SLC35E4: variants seen among roughly 807,000 people sequenced by gnomAD.
SLC35E4 encodes the protein solute carrier family 35 member E4.
In SLC35E4, 15 loss-of-function variants were observed where a neutral mutation model predicts 19.3. The ratio of observed to expected loss-of-function variants is 0.78; its 90% CI spans 0.52 to 1.20. The LOEUF (loss-of-function observed/expected upper bound fraction) is 1.20. Ranked by LOEUF, SLC35E4 falls within the 50% of genes most tolerant of loss-of-function variation. The probability of loss-of-function intolerance (pLI) is 0.00; values close to 1 mark genes in which losing one functional copy is unlikely to be tolerated. For synonymous variants in SLC35E4, 219 were observed against 219.9 expected, an observed-to-expected ratio of 1.00 and a Z score of 0.04; for missense variants, 406 against 472.3, an observed-to-expected ratio of 0.86 and a Z score of 1.30.
In SLC35E4 at chr22:30,647,177, C is replaced by T; in HGVS notation, c.*146C>T. 1 of 994,840 alleles carries T rather than the reference C, an allele frequency of 1.0e-6. No homozygotes were observed. The highest frequency in any genetic ancestry group is 1.6e-5 in the African/African-American group (1 of 61,114). 61.6% of individuals were successfully genotyped at this position (994,840 alleles called of 1,614,324 possible). A position where few individuals can be genotyped will look rare whatever the true frequency, so the allele number is the denominator to read the frequency against. ...CTTCCAGAGTCCGAGGTGGGTGGAT[C>T]ACCTGAGGCCAGGAGTTCGAGACCA... On this transcript the variant is annotated 3_prime_UTR_variant, in exon 2 of 2. Coordinates refer to ENST00000343605, the MANE Select transcript of SLC35E4 (RefSeq NM_001001479.4).
downstream of SLC35E4, chr22:30,663,302 C>CT (rs1279780622): frequency 2.5e-5 from 21 of 852,386 alleles, no homozygotes; most frequent in Admixed American, 3.5e-4. Flanking sequence ...TACAGCAACT[C>CT]TTTTTTGTGC....
rs111747773 is a variant in SLC35E4 at position 30,641,277 on chromosome 22, G to A, written c.619+4208G>A. 1.3e-3 allele frequency among the ~76,000 whole-genome samples: 192 copies of A among 152,338 alleles called. 2 individuals carry two copies. Among genetic ancestry groups the A allele is most frequent in the African/African-American group, 4.4e-3 (181 of 41,582 alleles). On this transcript the variant is annotated intron_variant, in intron 1 of 1. Coordinates refer to ENST00000343605, the MANE Select transcript of SLC35E4 (RefSeq NM_001001479.4). ...TTGGGCATGGAGTGGCATGTGCCTG[G>A]CATCGGGCTGCATCTTGACTCCTGC...
intron 1 of SLC35E4, among the ~76,000 whole-genome samples, chr22:30,644,471 T>A (rs938500260): frequency 3.9e-5 from 6 of 152,174 alleles, no homozygotes; most frequent in African/African-American, 9.7e-5. Flanking sequence ...CCAGGCGCAA[T>A]GGCTCACACC....
chr22:30,648,236 G>C (rs905651768), downstream of SLC35E4, among the ~76,000 whole-genome samples: 2 of 152,084 alleles, frequency 1.3e-5, no homozygotes, highest in African/African-American at 4.8e-5. Context: ...CACTCAGGAC[G>C]TGGCACCTGC....
At chr22:30,666,201 G>C (rs974439078), downstream of SLC35E4, among the ~76,000 whole-genome samples, 1 of 152,162 alleles carries the variant, frequency 6.6e-6, no homozygotes, top group Non-Finnish European at 1.5e-5. Context: ...CCCCAAACCA[G>C]TGCCCAGTGG....
chr22:30,663,500 A>G (rs754294385), downstream of SLC35E4: 1 of 1,614,170 alleles, frequency 6.2e-7, no homozygotes, highest in South Asian at 1.1e-5. Context: ...CCACTGGGGA[A>G]CTGACCATGT....
intron 1 of SLC35E4, among the ~76,000 whole-genome samples, chr22:30,644,869 C>G (rs1436530323): frequency 6.6e-6 from 1 of 152,096 alleles, no homozygotes; most frequent in Non-Finnish European, 1.5e-5. Flanking sequence ...TAGGTACACA[C>G]AGATACACAG....
chr22:30,666,909 C>T (rs1194057041), downstream of SLC35E4: 2 of 152,138 alleles, frequency 1.3e-5, no homozygotes, highest in Admixed American at 1.3e-4. Flanking sequence ...ATTTTTCTCG[C>T]TTCTGATAGG....
chr22:30,647,467 C>A lies in SLC35E4; in HGVS notation c.*436C>A, dbSNP rs996855013. 6.2e-6 allele frequency: 1 copy of A among 161,764 alleles called. No homozygotes were observed. Among genetic ancestry groups the A allele is most frequent in the African/African-American group, 2.4e-5 (1 of 41,516 alleles). The allele number at this position is 161,764 out of a possible 1,614,324, so 10.0% of individuals were successfully genotyped here. ...CTGGGGGCCATGGCAGGGAGGGGAG[C>A]CTTCTGGAAGGGCTGCCTTGGAGAT... On this transcript the variant is annotated 3_prime_UTR_variant, in exon 2 of 2. Transcript: ENST00000343605.
downstream of SLC35E4, chr22:30,664,159 A>C: frequency 1.5e-6 from 1 of 670,162 alleles, no homozygotes; most frequent in Non-Finnish European, 2.6e-6. Context: ...ATGGATGGAT[A>C]GGCTTATAGC....
chr22:30,663,769 G>C, downstream of SLC35E4: 6 of 1,614,212 alleles, frequency 3.7e-6, no homozygotes, highest in Non-Finnish European at 5.1e-6. Flanking sequence ...AAGTCACAGA[G>C]ACGTGAGTTA....
At chr22:30,656,127 C>A (rs2088334184) in intron 2 of SLC35E4, among the ~76,000 whole-genome samples, 2 of 151,886 alleles carry the variant, frequency 1.3e-5, no homozygotes, top group African/African-American at 4.8e-5. Context: ...GTGTGCACCA[C>A]CATGCTGGGC....
chr22:30,655,745 C>T (rs1001534213), intron 2 of SLC35E4, among the ~76,000 whole-genome samples: 20 of 151,960 alleles, frequency 1.3e-4, no homozygotes, highest in African/African-American at 4.6e-4. Flanking sequence ...TTCTTATGCA[C>T]GGATGGCATT....
chr22:30,636,514 G>A lies in SLC35E4; in HGVS notation c.64G>A (p.Ala22Thr). 1 of 1,546,752 alleles carries A rather than the reference G, an allele frequency of 6.5e-7. No individual in the cohort carries two copies. Among genetic ancestry groups the A allele is most frequent in the African/African-American group, 1.4e-5 (1 of 73,100 alleles). The change falls in exon 1 of 2, where the codon GCT becomes ACT. Residue 22 changes from alanine (A) to threonine (T), a missense_variant. Coordinates refer to ENST00000343605, the MANE Select transcript of SLC35E4 (RefSeq NM_001001479.4). ...GACCTCAGCCGAAGTAGGAGCAGCA[G>A]CTGGTGGTGCTCAGGCGGCTGGGCC... ...RMTSAEVGAA[A>T]GGAQAAGPPE...
downstream of SLC35E4, among the ~76,000 whole-genome samples, chr22:30,664,419 T>C (rs929459989): frequency 7.2e-5 from 11 of 152,254 alleles, no homozygotes; most frequent in African/African-American, 2.7e-4. Context: ...AGATGACTTG[T>C]GTCCCTCAGC....
rs1345725572 is a variant in SLC35E4, at chr22:30,647,097, T to C, written c.*66T>C. 3.3e-6 allele frequency: 5 copies of C among 1,500,644 alleles called. No individual in the cohort carries two copies. Among genetic ancestry groups the C allele is most frequent in the East Asian group, 4.6e-5 (2 of 43,684 alleles). The allele number at this position is 1,500,644 out of a possible 1,614,324, so 93.0% of individuals were successfully genotyped here. ...CTGAATCCAGCCTCCGCTGTGGCCA[T>C]AGAAGGAATGGAGAACAGGGCTGGG... On this transcript the variant is annotated 3_prime_UTR_variant, in exon 2 of 2. Coordinates refer to ENST00000343605, the MANE Select transcript of SLC35E4 (RefSeq NM_001001479.4).
chr22:30,646,298 G>A (rs191484504), intron 1 of SLC35E4, among the ~76,000 whole-genome samples: 1 of 152,256 alleles, frequency 6.6e-6, no homozygotes, highest in Non-Finnish European at 1.5e-5. Flanking sequence ...CTTTTAAAAT[G>A]TTTACAACAA....
At chr22:30,643,636 G>C (rs116589091) in intron 1 of SLC35E4, among the ~76,000 whole-genome samples, 2 of 152,118 alleles carry the variant, frequency 1.3e-5, no homozygotes, top group African/African-American at 4.8e-5. Context: ...ATCACACAGG[G>C]CATCAGGCCC....
Position 30,646,736 on chromosome 22 carries a change from G to T in SLC35E4, c.758G>T (p.Arg253Leu), listed in dbSNP as rs755179385. The stretch of plus-strand genomic sequence containing the variant: ...CCACCGCCCACTGCTGGCGACTCTC[G>T]CCTCTGGGCCTGCATCCTGCTCAGC... Reference protein sequence around the residue: ...VAPPPTAGDSRLWACILLSCL... With the variant: ...VAPPPTAGDSLLWACILLSCL... The change falls in exon 2 of 2, where the codon CGC (arginine) becomes CTC (leucine). Residue 253 changes from arginine (R) to leucine (L), a missense_variant. By Grantham distance (102) the Arg-to-Leu change is moderately radical. Coordinates refer to ENST00000343605, the MANE Select transcript of SLC35E4 (RefSeq NM_001001479.4). 3.1e-6 allele frequency: 5 copies of T among 1,613,302 alleles called. No homozygotes were observed. In the Admixed American group the frequency reaches 6.7e-5, roughly 22 times the overall value.
Sources: gnomAD v4.1 joint callset for allele counts (sites outside exome capture counted in the v4.1 genomes callset) on GRCh38, gnomAD v4.1.1 for gene constraint, MANE v1.5 for transcripts, NCBI Gene and HGNC (gene_info 2026-07-23, HGNC 2026-07-21) for gene names.